CCDC85A: variants seen among roughly 807,000 people sequenced by gnomAD.
CCDC85A encodes coiled-coil domain containing 85A, also known as coiled-coil domain-containing protein 85A.
In CCDC85A, 38 loss-of-function variants were observed where a neutral mutation model predicts 50.2. The ratio of observed to expected loss-of-function variants is 0.76; its 90% CI spans 0.58 to 0.99. The LOEUF (loss-of-function observed/expected upper bound fraction) is 0.99. Ranked by LOEUF, CCDC85A falls within the 50% of genes least tolerant of loss-of-function variation. The pLI, the probability that CCDC85A is intolerant of heterozygous loss-of-function variation, is 0.00. For missense variants in CCDC85A, 820 were observed against 742.0 expected, an observed-to-expected ratio of 1.11 and a Z score of -1.22; for synonymous variants, 366 against 301.4, an observed-to-expected ratio of 1.21 and a Z score of -2.22.
chr2:56,240,597 G>C (rs1315917812), intron 2 of CCDC85A, among the ~76,000 whole-genome samples: 1 of 152,038 alleles, frequency 6.6e-6, no homozygotes, highest in Non-Finnish European at 1.5e-5. Context: ...TGTCTCTATG[G>C]ATTTGCCTAT....
intron 1 of CCDC85A, among the ~76,000 whole-genome samples, chr2:56,190,153 T>C (rs1676237402): frequency 6.6e-6 from 1 of 152,176 alleles, no homozygotes; most frequent in South Asian, 2.1e-4. Flanking sequence ...TCAGCCTGAG[T>C]GTAAGTGAAT....
chr2:56,371,618 G>A (rs1015522025), intron 3 of CCDC85A, among the ~76,000 whole-genome samples: 2 of 151,936 alleles, frequency 1.3e-5, no homozygotes, highest in Non-Finnish European at 2.9e-5. Flanking sequence ...AGTTCATTTT[G>A]TTTCTGATCA....
intron 2 of CCDC85A, among the ~76,000 whole-genome samples, chr2:56,211,630 A>G (rs1443256603): frequency 6.6e-6 from 1 of 152,008 alleles, no homozygotes; most frequent in Non-Finnish European, 1.5e-5. Context: ...GTTCTTTGGG[A>G]GAAGGCATCA....
In CCDC85A at chr2:56,250,192, T is replaced by A. The variant is rs1212813973; in HGVS notation, c.1240+56752T>A. 3.9e-5 allele frequency among the ~76,000 whole-genome samples: 6 copies of A among 152,082 alleles called. No homozygotes were observed. The East Asian group carries it at 9.7e-4, about 25-fold the overall frequency. On this transcript the variant is annotated intron_variant, in intron 2 of 5. Transcript: ENST00000407595. ...AAACAAATGTTAATTCATTTAAGAG[T>A]TTGGTGCCTGTTTAATTTTTGGTAA...
At chr2:56,343,190 G>T (rs550610825) in intron 3 of CCDC85A, among the ~76,000 whole-genome samples, 63 of 152,206 alleles carry the variant, frequency 4.1e-4, no homozygotes, top group African/African-American at 1.5e-3. Context: ...AAATAATTTT[G>T]AAAGGAAGAA....
At chr2:56,375,098 C>T (rs1184631982) in intron 4 of CCDC85A, among the ~76,000 whole-genome samples, 1 of 152,068 alleles carries the variant, frequency 6.6e-6, no homozygotes, top group East Asian at 1.9e-4. Flanking sequence ...ATTAGTCTTC[C>T]CCCAAGCACC....
intron 2 of CCDC85A, among the ~76,000 whole-genome samples, chr2:56,262,222 A>C (rs888063628): frequency 6.6e-6 from 1 of 152,122 alleles, no homozygotes; most frequent in Admixed American, 6.6e-5. Context: ...CTTAAGCCTT[A>C]ATTGAGGTGT....
intron 2 of CCDC85A, among the ~76,000 whole-genome samples, chr2:56,279,982 C>T (rs189320728): frequency 1.3e-5 from 2 of 152,224 alleles, no homozygotes; most frequent in Admixed American, 6.5e-5. Flanking sequence ...GCAAAATTGC[C>T]TAATCCTTAA....
intron 2 of CCDC85A, among the ~76,000 whole-genome samples, chr2:56,318,761 T>C (rs1237036966): frequency 6.6e-6 from 1 of 152,122 alleles, no homozygotes; most frequent in Non-Finnish European, 1.5e-5. Context: ...CCTTTGAATC[T>C]TTGTATTCAT....
rs542842828 is a variant in CCDC85A, at chr2:56,372,959, A to AT, written c.1452+488dup. Among the ~76,000 whole-genome samples the AT allele has an allele frequency of 5.3e-5, 8 of 152,276 alleles. No homozygotes were observed. In the East Asian group the frequency reaches 1.5e-3, roughly 29 times the overall value. ...AATTCCCTGTTTGGCTCAGTAGCAT[A>AT]TTTTTTTAAATAGTTCAGTGAAAAT... is the stretch of plus-strand genomic sequence containing the variant. On this transcript the variant is annotated intron_variant, in intron 4 of 5. Transcript: ENST00000407595.
In CCDC85A at chr2:56,193,013, C is replaced by T; in HGVS notation, c.813C>T (p.Pro271=). 1 of 1,613,712 alleles carries T rather than the reference C, an allele frequency of 6.2e-7. No homozygotes were observed. The highest frequency in any genetic ancestry group is 8.5e-7 in the Non-Finnish European group (1 of 1,179,826). ...KPRACGTPDR[P]KALKGPSPEH... is the part of the protein sequence containing the mutation. ...GAGCCTGTGGAACCCCAGATCGCCCCAAAGCACTCAAAGGACCTAGCCCGG... is the reference window on the plus strand; with the variant it reads ...GAGCCTGTGGAACCCCAGATCGCCCTAAAGCACTCAAAGGACCTAGCCCGG... The change falls in exon 2 of 6, where the codon CCC becomes CCT. Residue 271 remains proline (P), a synonymous_variant. Coordinates refer to ENST00000407595, the MANE Select transcript of CCDC85A (RefSeq NM_001080433.2).
intron 1 of CCDC85A, among the ~76,000 whole-genome samples, chr2:56,186,107 T>C (rs1022869782): frequency 1.3e-5 from 2 of 152,186 alleles, no homozygotes; most frequent in African/African-American, 2.4e-5. Context: ...CAGGTGGAGA[T>C]GGCCGTCTCC....
intron 2 of CCDC85A, among the ~76,000 whole-genome samples, chr2:56,265,585 C>T (rs959861805): frequency 1.3e-5 from 2 of 152,068 alleles, no homozygotes; most frequent in Non-Finnish European, 2.9e-5. Flanking sequence ...CAAATTAAAA[C>T]CACAGTGAGA....
At chr2:56,340,942 G>C (rs1481140189) in intron 2 of CCDC85A, among the ~76,000 whole-genome samples, 1 of 151,068 alleles carries the variant, frequency 6.6e-6, no homozygotes, top group African/African-American at 2.4e-5. Flanking sequence ...ATTTGGAAGA[G>C]AGTCAGGGTC....
chr2:56,313,755 G>A (rs1383815448), intron 2 of CCDC85A, among the ~76,000 whole-genome samples: 1 of 150,164 alleles, frequency 6.7e-6, no homozygotes, highest in African/African-American at 2.5e-5. Flanking sequence ...GGAACATGAT[G>A]TTGCCTGTGG....
At chr2:56,215,530 A>T (rs1020651746) in intron 2 of CCDC85A, among the ~76,000 whole-genome samples, 1 of 151,522 alleles carries the variant, frequency 6.6e-6, no homozygotes, top group African/African-American at 2.4e-5. Flanking sequence ...GTAGATTTTT[A>T]AAAAATCAAG....
chr2:56,311,992 A>G (rs2104228242), intron 2 of CCDC85A, among the ~76,000 whole-genome samples: 1 of 152,252 alleles, frequency 6.6e-6, no homozygotes, highest in Non-Finnish European at 1.5e-5. Flanking sequence ...AAGCTCAGAT[A>G]AACTGGAGGC....
chr2:56,227,067 T>C (rs1668573509), intron 2 of CCDC85A, among the ~76,000 whole-genome samples: 1 of 152,164 alleles, frequency 6.6e-6, no homozygotes, highest in Admixed American at 6.5e-5. Context: ...TTTATTTTTA[T>C]GTCTTTAGTA....
chr2:56,290,487 A>G (rs993855382), intron 2 of CCDC85A, among the ~76,000 whole-genome samples: 31 of 152,196 alleles, frequency 2.0e-4, no homozygotes, highest in African/African-American at 5.8e-4. Flanking sequence ...ATTTGTGTCC[A>G]TGGTGAAATT....
Sources: allele counts gnomAD v4.1 joint callset (sites outside exome capture counted in the v4.1 genomes callset), GRCh38; gene constraint gnomAD v4.1.1; transcripts MANE v1.5; gene names NCBI Gene and HGNC (gene_info 2026-07-23, HGNC 2026-07-21).